The following PATL1 variants were observed in gnomAD, a reference collection of about 807,000 sequenced individuals.
The protein encoded by PATL1 is PAT1 homolog 1, processing body mRNA decay factor.
PATL1 carries 32 observed loss-of-function variants against 100.6 expected under a neutral mutation model. The ratio of observed to expected loss-of-function variants is 0.32; its 90% CI spans 0.24 to 0.43. PATL1 has a LOEUF of 0.43. Ranked by LOEUF, PATL1 falls within the 20% of genes least tolerant of loss-of-function variation. The pLI is 1.00. For missense variants in PATL1, 747 were observed against 949.9 expected (o/e 0.79, Z 2.81); for synonymous variants, 332 against 330.0 (o/e 1.01, Z -0.07).
intron 6 of PATL1, 83 bp from the exon 7 acceptor site, chr11:59,656,128 G>A (rs562701753): frequency 1.3e-6 from 1 of 793,216 alleles, no homozygotes; most frequent in Non-Finnish European, 1.9e-6. Context: ...CAGAAATGCA[G>A]TATAAACTTG....
chr11:59,658,957 A>C lies in PATL1; in HGVS notation c.346-11T>G, dbSNP rs149271499. 8.3e-4 allele frequency: 1,287 copies of C among 1,543,796 alleles called. 10 individuals carry two copies. In the African/African-American group the frequency reaches 0.016, roughly 19 times the overall value. ...ACTTCCTGGTTGGGGCTAACAAAAA[A>C]GGAAAACATACAGAGTCTGAAATGT... On this transcript the variant is annotated splice_polypyrimidine_tract_variant and intron_variant, in intron 3 of 18. Coordinates refer to ENST00000300146, the MANE Select transcript of PATL1 (RefSeq NM_152716.3).
intron 2 of PATL1, among the ~76,000 whole-genome samples, chr11:59,663,506 T>A (rs1025848464): frequency 6.6e-6 from 1 of 151,934 alleles, no homozygotes; most frequent in Admixed American, 6.5e-5. Flanking sequence ...TATAGTTACT[T>A]AACCCGTCAC....
chr11:59,652,442 AT>A, intron 11 of PATL1, 21 bp downstream of exon 11: 2 of 1,589,074 alleles, frequency 1.3e-6, no homozygotes, highest in Non-Finnish European at 8.5e-7. Context: ...TATTATGGGC[AT>A]TTTTCTTATG....
Position 59,655,648 on chromosome 11 carries a change from T to C in PATL1, c.906A>G (p.Gln302=), listed in dbSNP as rs750446795. ...PLAAMNPKLL[Q]GRVGQMLPPA... Reference sequence around the variant, plus strand: ...GGGGAAGCATCTGCCCAACTCGCCCTTGTAGCAACTTGGGATTCATGGCAG... The same window carrying C: ...GGGGAAGCATCTGCCCAACTCGCCCCTGTAGCAACTTGGGATTCATGGCAG... Residue 302 remains glutamine, a synonymous_variant, in exon 8 of 19, where the codon CAA becomes CAG. Transcript: ENST00000300146. 5 of 1,602,340 alleles carry C rather than the reference T, an allele frequency of 3.1e-6. No individual in the cohort carries two copies. In the South Asian group the frequency reaches 3.4e-5, roughly 11 times the overall value.
chr11:59,662,064 A>G (rs1344410442), intron 2 of PATL1, among the ~76,000 whole-genome samples: 1 of 152,218 alleles, frequency 6.6e-6, no homozygotes, highest in Non-Finnish European at 1.5e-5. Context: ...TGCTATATAT[A>G]TGTAATTTTT....
chr11:59,668,991 C>T lies in PATL1; in HGVS notation c.-96G>A, dbSNP rs537642967. The T allele has an allele frequency of 6.6e-4, 194 of 293,794 alleles. 1 individual carries two copies. The highest frequency in any genetic ancestry group is 3.9e-3 in the African/African-American group (175 of 44,626). 18.2% of individuals were successfully genotyped at this position (293,794 alleles called of 1,614,324 possible). A position where few individuals can be genotyped will look rare whatever the true frequency, so the allele number is the denominator to read the frequency against. ...CCTCCGCGCGCGGGTCCTCCACCGG[C>T]TCGCGACCCCTGGCCGCCGCCGTAC... On this transcript the variant is annotated 5_prime_UTR_variant, in exon 1 of 19. Coordinates refer to ENST00000300146, the MANE Select transcript of PATL1 (RefSeq NM_152716.3).
chr11:59,665,781 G>A (rs1861678510), intron 2 of PATL1, among the ~76,000 whole-genome samples: 2 of 151,236 alleles, frequency 1.3e-5, no homozygotes, highest in Non-Finnish European at 3.0e-5. Context: ...GCAAGACTCT[G>A]TCTCAAAACA....
chr11:59,659,703 C>T lies in PATL1; in HGVS notation c.128-234G>A, dbSNP rs1590703379. Among the ~76,000 whole-genome samples the T allele has an allele frequency of 2.0e-5, 3 of 152,060 alleles. No individual in the cohort carries two copies. In the East Asian group the frequency reaches 5.8e-4, roughly 29 times the overall value. On this transcript the variant is annotated intron_variant, in intron 2 of 18. Transcript: ENST00000300146. Reference sequence around the variant, plus strand: ...TACAGGCGCCCACCACCACACCTGGCTAATTTTTGTATTTTTAGTAGAGGT... The same window carrying T: ...TACAGGCGCCCACCACCACACCTGGTTAATTTTTGTATTTTTAGTAGAGGT...
chr11:59,668,839 G>C (rs1861734925), intron 1 of PATL1, 42 bp downstream of exon 1: 1 of 1,271,160 alleles, frequency 7.9e-7, no homozygotes, highest in East Asian at 3.1e-5. Context: ...GGAGAGGGGC[G>C]CGGGAGGGAG....
intron 1 of PATL1, 122 bp from the exon 2 acceptor site, chr11:59,667,086 A>T: frequency 7.1e-7 from 1 of 1,416,186 alleles, no homozygotes; most frequent in Non-Finnish European, 9.2e-7. Context: ...CTTTTTGTAA[A>T]GATGGCATTT....
Position 59,656,488 on chromosome 11 carries a change from A to C in PATL1, c.723+11T>G, listed in dbSNP as rs777271167. On this transcript the variant is annotated intron_variant, in intron 6 of 18. Transcript: ENST00000300146. ...ATACTGCACATTTTTGTTAGGCTTA[A>C]AGTGACATACCGGGACACTGCAGAG... 1.1e-5 allele frequency: 18 copies of C among 1,606,286 alleles called. No homozygotes were observed. The highest frequency in any genetic ancestry group is 1.5e-5 in the Non-Finnish European group (18 of 1,173,052).
intron 18 of PATL1, 125 bp downstream of exon 18, chr11:59,638,923 T>A: frequency 9.2e-7 from 1 of 1,081,260 alleles, no homozygotes. Flanking sequence ...CCTCAAGTGA[T>A]CCACCCTCCT....
At chr11:59,659,209 T>C in intron 3 of PATL1, 43 bp downstream of exon 3, 1 of 1,512,560 alleles carries the variant, frequency 6.6e-7, no homozygotes, top group Non-Finnish European at 9.0e-7. Flanking sequence ...TTCACTTTAA[T>C]TTTTAGTCTG....
At chr11:59,668,781 C>A in intron 1 of PATL1, 100 bp downstream of exon 1, 1 of 633,372 alleles carries the variant, frequency 1.6e-6, no homozygotes, top group Non-Finnish European at 2.8e-6. Context: ...CCCCAGCCCG[C>A]CCCCTGCCCC....
chr11:59,646,264 T>A (rs969250128), intron 15 of PATL1, among the ~76,000 whole-genome samples: 2 of 150,884 alleles, frequency 1.3e-5, no homozygotes, highest in African/African-American at 4.9e-5. Flanking sequence ...CCTAACTCAT[T>A]TTTCATTTGT....
chr11:59,663,527 T>C (rs1017122110), intron 2 of PATL1, among the ~76,000 whole-genome samples: 10 of 152,150 alleles, frequency 6.6e-5, no homozygotes, highest in African/African-American at 2.4e-4. Context: ...TCTTCCTCAT[T>C]TGTTAAAATG....
At chr11:59,642,380 T>C (rs1020027274) in intron 16 of PATL1, among the ~76,000 whole-genome samples, 2 of 152,198 alleles carry the variant, frequency 1.3e-5, no homozygotes, top group Non-Finnish European at 2.9e-5. Flanking sequence ...CTAAAAGATA[T>C]TTTCCAGCCT....
intron 16 of PATL1, among the ~76,000 whole-genome samples, chr11:59,641,729 G>C (rs1167625425): frequency 6.6e-6 from 1 of 152,062 alleles, no homozygotes; most frequent in Non-Finnish European, 1.5e-5. Flanking sequence ...CTCTGGCCTG[G>C]GTGACAGAGA....
chr11:59,666,571 T>C (rs985185645), intron 2 of PATL1, among the ~76,000 whole-genome samples: 2 of 152,202 alleles, frequency 1.3e-5, no homozygotes, highest in Non-Finnish European at 2.9e-5. Flanking sequence ...CTCTAAACAT[T>C]TGAATCCCTC....
Sources: gnomAD v4.1 joint callset for allele counts (sites outside exome capture counted in the v4.1 genomes callset) on GRCh38, gnomAD v4.1.1 for gene constraint, MANE v1.5 for transcripts, NCBI Gene and HGNC (gene_info 2026-07-23, HGNC 2026-07-21) for gene names.